Variants in GPR155 observed in about 807,000 individuals in gnomAD.
GPR155 encodes the protein G protein-coupled receptor 155, also known as lysosomal cholesterol signaling protein.
A neutral mutation model predicts 93.1 loss-of-function variants in GPR155; 65 were observed. The ratio of observed to expected loss-of-function variants is 0.70; its 90% CI spans 0.57 to 0.86. The LOEUF is 0.86. GPR155 is among the 40% of genes least tolerant of loss of function. The pLI is 0.00. For missense variants in GPR155, 838 were observed against 1,034.8 expected (o/e 0.81, Z 2.61); for synonymous variants, 319 against 360.1 (o/e 0.89, Z 1.29).
intron 4 of GPR155, 83 bp downstream of exon 4, chr2:174,470,307 A>G: frequency 8.8e-7 from 1 of 1,134,254 alleles, no homozygotes; most frequent in East Asian, 2.6e-5. Flanking sequence ...TTTTTAAAAA[A>G]GAATTTTAAA....
chr2:174,453,170 G>A (rs1327036266), intron 11 of GPR155, among the ~76,000 whole-genome samples: 1 of 152,118 alleles, frequency 6.6e-6, no homozygotes, highest in Non-Finnish European at 1.5e-5. Flanking sequence ...TTGTCACTTG[G>A]GTTAAATTTA....
At chr2:174,463,421 G>A (rs371929230) in intron 7 of GPR155, among the ~76,000 whole-genome samples, 21 of 152,078 alleles carry the variant, frequency 1.4e-4, no homozygotes, top group African/African-American at 3.1e-4. Flanking sequence ...GGCTAGTCTC[G>A]AACTACTGGC....
chr2:174,446,231 CG>C (rs1187888126), intron 12 of GPR155, among the ~76,000 whole-genome samples: 1 of 144,920 alleles, frequency 6.9e-6, no homozygotes, highest in African/African-American at 2.6e-5. Context: ...CGCTTGAACC[CG>C]GGAGGCAGAG....
chr2:174,480,908 T>C (rs2105740030), intron 2 of GPR155, among the ~76,000 whole-genome samples: 1 of 152,300 alleles, frequency 6.6e-6, no homozygotes, highest in Non-Finnish European at 1.5e-5. Context: ...TAGCTGGGAC[T>C]ACAGCCTTGT....
chr2:174,459,848 TAAATAA>T (rs1574716602), intron 10 of GPR155, 24 bp downstream of exon 10: 1 of 1,506,272 alleles, frequency 6.6e-7, no homozygotes, highest in East Asian at 2.3e-5. Context: ...CTGTCTCAAA[TAAATAA>T]AAATAAAATT....
Position 174,432,127 on chromosome 2 carries a change from T to G in GPR155, c.*3989A>C, listed in dbSNP as rs999267256. ...ACCCTGTTTGCAGAGCCCAGAGTCA[T>G]GAAGAACAGAACTCAGGAAACCCAT... On this transcript the variant is annotated 3_prime_UTR_variant, in exon 16 of 16. Transcript: ENST00000392552. 6.6e-6 allele frequency: 1 copy of G among 152,518 alleles called. No homozygotes were observed. The highest frequency in any genetic ancestry group is 2.4e-5 in the African/African-American group (1 of 41,444). 9.4% of individuals were successfully genotyped at this position (152,518 alleles called of 1,614,324 possible).
intron 10 of GPR155, among the ~76,000 whole-genome samples, chr2:174,459,041 G>C (rs940827091): frequency 6.6e-6 from 1 of 151,962 alleles, no homozygotes; most frequent in African/African-American, 2.4e-5. Context: ...TGAGCCAAGG[G>C]TACTGCACTC....
intron 3 of GPR155, 105 bp from the exon 4 acceptor site, chr2:174,470,660 T>C: frequency 1.1e-6 from 1 of 878,362 alleles, no homozygotes; most frequent in Non-Finnish European, 1.8e-6. Context: ...GCCCAGAAGG[T>C]ATGTCTATTT....
chr2:174,446,327 ATAAAAAG>A (rs772922543), intron 12 of GPR155, among the ~76,000 whole-genome samples: 13 of 7,980 alleles, frequency 1.6e-3, no homozygotes, highest in South Asian at 5.9e-3. Flanking sequence ...AAAATAAAAA[ATAAAAAG>A]AAATAGCTGC....
At chr2:174,439,795 G>A in intron 15 of GPR155, 103 bp downstream of exon 15, 2 of 888,352 alleles carry the variant, frequency 2.3e-6, no homozygotes, top group Non-Finnish European at 3.5e-6. Context: ...AAATAATCAT[G>A]TAATCAGTCA....
intron 11 of GPR155, among the ~76,000 whole-genome samples, chr2:174,452,233 A>G (rs762738877): frequency 1.3e-5 from 2 of 152,224 alleles, no homozygotes; most frequent in African/African-American, 4.8e-5. Flanking sequence ...TTCATATCTG[A>G]TATGTTTTCA....
At chr2:174,450,946 A>G (rs1474462629) in intron 11 of GPR155, among the ~76,000 whole-genome samples, 1 of 152,228 alleles carries the variant, frequency 6.6e-6, no homozygotes, top group Non-Finnish European at 1.5e-5. Flanking sequence ...CTATTTGAAT[A>G]AAAATTATTT....
intron 9 of GPR155, 66 bp from the exon 10 acceptor site, chr2:174,460,154 ATTTTTT>A (rs11385015): frequency 7.7e-4 from 307 of 399,464 alleles, no homozygotes; most frequent in Non-Finnish European, 9.0e-4. Context: ...CTTAGGGCAC[ATTTTTT>A]TTTTTTTTTT....
At chr2:174,466,297 A>G (rs1163659197) in intron 6 of GPR155, among the ~76,000 whole-genome samples, 3 of 152,170 alleles carry the variant, frequency 2.0e-5, no homozygotes, top group Non-Finnish European at 4.4e-5. Context: ...TAATGATTAA[A>G]TTGTTTCTAT....
Position 174,442,160 on chromosome 2 carries a change from A to G in GPR155, c.2133T>C (p.Phe711=). The change falls in exon 14 of 16, where the codon TTT becomes TTC. Residue 711 remains phenylalanine (F), a synonymous_variant. Transcript: ENST00000392552. ...FGQGFISFGI[F]GLDKHLIILP... is the part of the protein sequence containing the mutation. ...GGATGATTAAATGTTTATCTAATCC[A>G]AAGATTCCAAAGGAAATAAATCCCT... is the stretch of plus-strand genomic sequence containing the variant. The G allele has an allele frequency of 7.2e-7, 1 of 1,385,120 alleles. No homozygotes were observed. Among genetic ancestry groups the G allele is most frequent in the Non-Finnish European group, 1.0e-6 (1 of 973,228 alleles). 85.8% of individuals were successfully genotyped at this position (1,385,120 alleles called of 1,614,324 possible).
intron 11 of GPR155, among the ~76,000 whole-genome samples, chr2:174,453,062 G>C (rs1349395127): frequency 6.6e-6 from 1 of 152,116 alleles, no homozygotes; most frequent in Non-Finnish European, 1.5e-5. Flanking sequence ...CTGGTCCTAG[G>C]GGATGAGAAT....
intron 4 of GPR155, among the ~76,000 whole-genome samples, chr2:174,470,054 G>A (rs561426139): frequency 1.3e-5 from 2 of 152,300 alleles, no homozygotes; most frequent in South Asian, 2.1e-4. Flanking sequence ...TAGAGACAGG[G>A]TTTCGCCATG....
At chr2:174,458,953 T>C (rs1233096904) in intron 10 of GPR155, among the ~76,000 whole-genome samples, 1 of 151,946 alleles carries the variant, frequency 6.6e-6, no homozygotes, top group African/African-American at 2.4e-5. Flanking sequence ...CCAGGCGTGG[T>C]GGCGTGCGAC....
At chr2:174,455,960 C>A (rs975052272) in intron 10 of GPR155, among the ~76,000 whole-genome samples, 1 of 152,082 alleles carries the variant, frequency 6.6e-6, no homozygotes, top group Admixed American at 6.6e-5. Flanking sequence ...CATGCCTCAG[C>A]CTCCCGAGTA....
Sources: allele counts gnomAD v4.1 joint callset (sites outside exome capture counted in the v4.1 genomes callset), GRCh38; gene constraint gnomAD v4.1.1; transcripts MANE v1.5; gene names NCBI Gene and HGNC (gene_info 2026-07-23, HGNC 2026-07-21).